Variants in DPYSL4 observed in about 807,000 individuals in gnomAD.
DPYSL4 encodes the protein dihydropyrimidinase-related protein 4.
A neutral mutation model predicts 63.4 loss-of-function variants in DPYSL4; 43 were observed. The observed-to-expected ratio is 0.68, with a 90% confidence interval of 0.53 to 0.88. The LOEUF is 0.88. DPYSL4 is among the 40% of genes least tolerant of loss of function. DPYSL4 has a pLI of 0.00. For synonymous variants in DPYSL4, 353 were observed against 331.7 expected, an observed-to-expected ratio of 1.06 and a Z score of -0.70; for missense variants, 733 against 819.5, an observed-to-expected ratio of 0.89 and a Z score of 1.29.
intron 8 of DPYSL4, 133 bp downstream of exon 8, chr10:132,199,104 GTGGGGCACTGGACCCTGAGTCCCTGCAT>G: frequency 3.0e-6 from 4 of 1,346,434 alleles, no homozygotes; most frequent in Non-Finnish European, 3.9e-6. Context: ...CTGCATCGGG[GTGGGGCACTGGACCCTGAGTCCCTGCAT>G]CGGGGCAGGG....
chr10:132,194,232 G>C (rs577943541), intron 3 of DPYSL4, among the ~76,000 whole-genome samples: 2 of 152,262 alleles, frequency 1.3e-5, no homozygotes, highest in Non-Finnish European at 2.9e-5. Context: ...CATCCCTGGC[G>C]GGTGCGCCCT....
In DPYSL4 at chr10:132,196,157, T is replaced by C. The variant is rs142299502; in HGVS notation, c.479-704T>C. 2.1e-3 allele frequency among the ~76,000 whole-genome samples: 320 copies of C among 152,284 alleles called. 1 individual carries two copies. The highest frequency in any genetic ancestry group is 0.014 in the Middle Eastern group (4 of 294). On this transcript the variant is annotated intron_variant, in intron 4 of 13. Coordinates refer to ENST00000338492, the MANE Select transcript of DPYSL4 (RefSeq NM_006426.3). ...TCCACCCAGCGAGGAGGAGATGCCATGGGTTGGGTGGGCTTGAGTGATGGG... is the reference window on the plus strand; with the variant it reads ...TCCACCCAGCGAGGAGGAGATGCCACGGGTTGGGTGGGCTTGAGTGATGGG...
Position 132,202,642 on chromosome 10 carries a change from C to T in DPYSL4, c.1282-4C>T. Reference sequence around the variant, plus strand: ...GCACTGGACCCTCGGGCCTCTCTCCCCAGAACGTGGAGTACAACATCTTCG... The same window carrying T: ...GCACTGGACCCTCGGGCCTCTCTCCTCAGAACGTGGAGTACAACATCTTCG... On this transcript the variant is annotated splice_region_variant and splice_polypyrimidine_tract_variant and intron_variant, in intron 11 of 13. Coordinates refer to ENST00000338492, the MANE Select transcript of DPYSL4 (RefSeq NM_006426.3). 1 of 1,611,956 alleles carries T rather than the reference C, an allele frequency of 6.2e-7. No homozygotes were observed. The highest frequency in any genetic ancestry group is 8.5e-7 in the Non-Finnish European group (1 of 1,179,846).
chr10:132,195,741 C>CG (rs1229372638), intron 4 of DPYSL4, among the ~76,000 whole-genome samples: 1 of 152,204 alleles, frequency 6.6e-6, no homozygotes, highest in Non-Finnish European at 1.5e-5. Flanking sequence ...CCTCCCTGCC[C>CG]GGGGGCTGGT....
At chr10:132,198,297 T>A in intron 6 of DPYSL4, 118 bp from the exon 7 acceptor site, 4 of 902,400 alleles carry the variant, frequency 4.4e-6, no homozygotes, top group Non-Finnish European at 6.7e-6. Context: ...TGGGAAATTC[T>A]GGGAGGCCTG....
At chr10:132,188,907 G>A (rs754865274) in intron 1 of DPYSL4, among the ~76,000 whole-genome samples, 1 of 152,234 alleles carries the variant, frequency 6.6e-6, no homozygotes, top group Non-Finnish European at 1.5e-5. Context: ...CTGGCCTGTG[G>A]CATAGTCTGC....
At chr10:132,199,024 G>T in intron 8 of DPYSL4, 53 bp downstream of exon 8, 2 of 1,587,742 alleles carry the variant, frequency 1.3e-6, no homozygotes, top group African/African-American at 1.3e-5. Flanking sequence ...TCGGCCTCCT[G>T]GGTGCAGCCC....
At chr10:132,193,335 C>CG (rs1340857035) in intron 3 of DPYSL4, among the ~76,000 whole-genome samples, 1 of 152,190 alleles carries the variant, frequency 6.6e-6, no homozygotes, top group Non-Finnish European at 1.5e-5. Context: ...AAAAAATAAC[C>CG]CGAGTTGCTA....
In DPYSL4 at chr10:132,202,801, C is replaced by T; in HGVS notation, c.1437C>T (p.Tyr479=). 1.2e-6 allele frequency: 2 copies of T among 1,605,086 alleles called. No individual in the cohort carries two copies. The highest frequency in any genetic ancestry group is 1.7e-6 in the Non-Finnish European group (2 of 1,175,568). The stretch of plus-strand genomic sequence containing the variant: ...GGAAAACATTCCCGGACTTTGTCTA[C>T]AAGAGGATCAAAGCTCGCAACAGGG... ...VPRKTFPDFV[Y]KRIKARNRLA... The change falls in exon 12 of 14, where the codon TAC becomes TAT. Residue 479 remains tyrosine (Y), a synonymous_variant. Coordinates refer to ENST00000338492, the MANE Select transcript of DPYSL4 (RefSeq NM_006426.3).
chr10:132,198,692 C>T (rs557639977), intron 7 of DPYSL4, among the ~76,000 whole-genome samples, 159 bp from the exon 8 acceptor site: 61 of 152,324 alleles, frequency 4.0e-4, no homozygotes, highest in Non-Finnish European at 7.8e-4. Flanking sequence ...CAGAAGGTGG[C>T]GTGGGCAGGC....
Position 132,196,721 on chromosome 10 carries a change from C to A in DPYSL4, c.479-140C>A, listed in dbSNP as rs115129259. 3,198 of 943,042 alleles carry A rather than the reference C, an allele frequency of 3.4e-3. 62 individuals carry two copies. In the African/African-American group the frequency reaches 0.044, roughly 13 times the overall value. 58.4% of individuals were successfully genotyped at this position (943,042 alleles called of 1,614,324 possible). A position where few individuals can be genotyped will look rare whatever the true frequency, so the allele number is the denominator to read the frequency against. On this transcript the variant is annotated intron_variant, in intron 4 of 13. Transcript: ENST00000338492. ...GTGCATGGAAGCGGGGGACTGCTCC[C>A]AGGGCTGGCAAGCCAGTGAGGGAAG...
At position 132,202,768 on chromosome 10, in the gene DPYSL4, CGTCCCTCGGAAAACA is replaced by C. The variant is rs2062036568; in HGVS notation, c.1405_1419del (p.Val469_Thr473del). 6.2e-7 allele frequency: 1 copy of C among 1,612,290 alleles called. No homozygotes were observed. Among genetic ancestry groups the C allele is most frequent in the African/African-American group, 1.3e-5 (1 of 74,946 alleles). ...TTGTCACCCCGGGGGCGGGCCGCTT[CGTCCCTCGGAAAACA>C]TTCCCGGACTTTGTCTACAAGAGGA... is the stretch of plus-strand genomic sequence containing the variant. On this transcript the variant is annotated inframe_deletion, in exon 12 of 14. Coordinates refer to ENST00000338492, the MANE Select transcript of DPYSL4 (RefSeq NM_006426.3).
At chr10:132,204,379 C>T (rs1198375851) in intron 13 of DPYSL4, among the ~76,000 whole-genome samples, 1 of 152,194 alleles carries the variant, frequency 6.6e-6, no homozygotes, top group East Asian at 1.9e-4. Flanking sequence ...AGGGCTCAGG[C>T]TGCCAGGGTC....
At chr10:132,192,991 C>A in intron 3 of DPYSL4, 149 bp downstream of exon 3, 1 of 773,684 alleles carries the variant, frequency 1.3e-6, no homozygotes, top group Non-Finnish European at 2.0e-6. Flanking sequence ...ACCTGGAGTG[C>A]TTTTCTAATC....
chr10:132,190,364 A>C (rs2061857400), intron 1 of DPYSL4, among the ~76,000 whole-genome samples: 1 of 152,204 alleles, frequency 6.6e-6, no homozygotes, highest in Non-Finnish European at 1.5e-5. Context: ...GGTGGAGGAG[A>C]GCAGGATCTC....
At chr10:132,199,619 G>A (rs1432375341) in intron 8 of DPYSL4, among the ~76,000 whole-genome samples, 3 of 148,228 alleles carry the variant, frequency 2.0e-5, no homozygotes, top group Non-Finnish European at 3.0e-5. Flanking sequence ...CCTGCTGTCC[G>A]CACTGAGTCC....
chr10:132,187,531 G>A (rs901547993), intron 1 of DPYSL4, among the ~76,000 whole-genome samples: 3 of 152,130 alleles, frequency 2.0e-5, no homozygotes, highest in African/African-American at 7.2e-5. Flanking sequence ...TGTTGGCCCG[G>A]GCTGGTCCGG....
chr10:132,204,877 C>G lies in DPYSL4; in HGVS notation c.1666C>G (p.Gln556Glu), dbSNP rs749004859. 1 of 1,612,986 alleles carries G rather than the reference C, an allele frequency of 6.2e-7. No homozygotes were observed. The highest frequency in any genetic ancestry group is 1.3e-5 in the African/African-American group (1 of 75,022). Residue 556 changes from glutamine (Q) to glutamate (E), a missense_variant, in exon 14 of 14, where the codon CAG becomes GAG. Coordinates refer to ENST00000338492, the MANE Select transcript of DPYSL4 (RefSeq NM_006426.3). Reference protein sequence around the residue: ...ADDHIARRTAQKIMAPPGGRS... With the variant: ...ADDHIARRTAEKIMAPPGGRS... ...TGACCACATCGCCCGACGCACAGCA[C>G]AGAAGATCATGGCACCACCTGGCGG...
intron 8 of DPYSL4, 39 bp from the exon 9 acceptor site, chr10:132,200,317 G>A: frequency 6.2e-7 from 1 of 1,608,512 alleles, no homozygotes; most frequent in Non-Finnish European, 8.5e-7. Flanking sequence ...GGGGGTGCAG[G>A]TGGTCGGTGG....
Sources: allele counts gnomAD v4.1 joint callset (sites outside exome capture counted in the v4.1 genomes callset), GRCh38; gene constraint gnomAD v4.1.1; transcripts MANE v1.5; gene names NCBI Gene and HGNC (gene_info 2026-07-23, HGNC 2026-07-21).